The following TRPM3 variants were observed in gnomAD, a reference collection of about 807,000 sequenced individuals.
The protein encoded by TRPM3 is long transient receptor potential channel 3.
In TRPM3, 77 loss-of-function variants were observed where a neutral mutation model predicts 181.2. The ratio of observed to expected loss-of-function variants is 0.42; its 90% CI spans 0.35 to 0.51. TRPM3 has a LOEUF of 0.51. TRPM3 is among the 20% of genes least tolerant of loss of function. The probability of loss-of-function intolerance (pLI) is 0.01; values close to 1 mark genes in which losing one functional copy is unlikely to be tolerated. For synonymous variants in TRPM3, 745 were observed against 796.4 expected, an observed-to-expected ratio of 0.94 and a Z score of 1.09; for missense variants, 1,759 against 2,196.7, an observed-to-expected ratio of 0.80 and a Z score of 3.98.
At chr9:71,222,516 A>G (rs748291113) in intron 1 of TRPM3, among the ~76,000 whole-genome samples, 3 of 152,218 alleles carry the variant, frequency 2.0e-5, no homozygotes, top group Non-Finnish European at 4.4e-5. Flanking sequence ...AAGATGGCCA[A>G]ATAGAAGCCT....
At chr9:70,784,338 C>A in intron 6 of TRPM3, 59 bp from the exon 7 acceptor site, 1 of 1,483,358 alleles carries the variant, frequency 6.7e-7, no homozygotes. Flanking sequence ...AGCCAGCAAA[C>A]CAAAGAAACA....
chr9:70,658,039 T>C (rs1191111751), intron 9 of TRPM3, among the ~76,000 whole-genome samples: 5 of 152,178 alleles, frequency 3.3e-5, no homozygotes, highest in African/African-American at 1.2e-4. Context: ...AAGCATTAAC[T>C]GACTCCCTAA....
intron 1 of TRPM3, among the ~76,000 whole-genome samples, chr9:71,259,516 A>G (rs2082895769): frequency 6.6e-6 from 1 of 152,192 alleles, no homozygotes; most frequent in African/African-American, 2.4e-5. Flanking sequence ...CAACAGCCTA[A>G]AAGCATTCCT....
At chr9:70,555,231 T>G (rs904593088) in intron 22 of TRPM3, among the ~76,000 whole-genome samples, 11 of 152,238 alleles carry the variant, frequency 7.2e-5, no homozygotes, top group Admixed American at 5.2e-4. Context: ...CACTCTTTAG[T>G]GCTCACCTGG....
intron 1 of TRPM3, among the ~76,000 whole-genome samples, chr9:71,070,350 C>T (rs895930791): frequency 1.3e-5 from 2 of 152,220 alleles, no homozygotes; most frequent in African/African-American, 4.8e-5. Flanking sequence ...AGCTATACAG[C>T]TCTCTGCTGC....
At chr9:70,769,167 C>T (rs1309105924) in intron 7 of TRPM3, among the ~76,000 whole-genome samples, 1 of 152,152 alleles carries the variant, frequency 6.6e-6, no homozygotes. Context: ...AAGATAACAT[C>T]TCTACTTGCA....
intron 25 of TRPM3, among the ~76,000 whole-genome samples, chr9:70,546,335 G>C (rs2044878641): frequency 6.6e-6 from 1 of 152,182 alleles, no homozygotes; most frequent in Non-Finnish European, 1.5e-5. Context: ...TCTAGTGACA[G>C]AAACTCTAGG....
intron 1 of TRPM3, among the ~76,000 whole-genome samples, chr9:71,364,186 G>T (rs1412116478): frequency 2.0e-5 from 3 of 150,638 alleles, no homozygotes; most frequent in Admixed American, 6.6e-5. Context: ...ACAATAAAAA[G>T]AACTGGGCTC....
At chr9:71,025,566 A>G (rs1193473146) in intron 1 of TRPM3, among the ~76,000 whole-genome samples, 2 of 152,252 alleles carry the variant, frequency 1.3e-5, no homozygotes, top group Admixed American at 6.5e-5. Flanking sequence ...ATTAATAAAG[A>G]CAAGCATTGA....
At chr9:70,918,152 T>G (rs1461772964) in intron 1 of TRPM3, among the ~76,000 whole-genome samples, 1 of 152,166 alleles carries the variant, frequency 6.6e-6, no homozygotes, top group Non-Finnish European at 1.5e-5. Flanking sequence ...GCTAAGGAGA[T>G]AGACCCCAAT....
At chr9:71,140,425 A>G (rs985786470) in intron 1 of TRPM3, among the ~76,000 whole-genome samples, 1 of 152,148 alleles carries the variant, frequency 6.6e-6, no homozygotes, top group African/African-American at 2.4e-5. Context: ...TTGAAAGTAC[A>G]GCTATTTCCC....
intron 1 of TRPM3, among the ~76,000 whole-genome samples, chr9:70,945,562 A>T (rs932476085): frequency 6.6e-6 from 1 of 152,282 alleles, no homozygotes; most frequent in South Asian, 2.1e-4. Context: ...TAGTCTTACT[A>T]CTACAGGACA....
chr9:71,358,019 G>C (rs772754603), intron 1 of TRPM3, among the ~76,000 whole-genome samples: 1 of 152,084 alleles, frequency 6.6e-6, no homozygotes, highest in African/African-American at 2.4e-5. Flanking sequence ...GTGTAGAAAT[G>C]AGTGAACAAT....
intron 5 of TRPM3, among the ~76,000 whole-genome samples, chr9:70,839,985 AC>A (rs1311214851): frequency 6.6e-6 from 1 of 152,170 alleles, no homozygotes; most frequent in Non-Finnish European, 1.5e-5. Context: ...TAAGAAGCTT[AC>A]CAGATAATAT....
chr9:71,168,964 G>A (rs1305049670), intron 1 of TRPM3, among the ~76,000 whole-genome samples: 6 of 151,964 alleles, frequency 3.9e-5, no homozygotes, highest in Non-Finnish European at 8.8e-5. Context: ...AATTAACAAA[G>A]CCATGGATAT....
intron 1 of TRPM3, among the ~76,000 whole-genome samples, chr9:71,009,553 A>G (rs207470239): frequency 6.6e-6 from 1 of 152,166 alleles, no homozygotes; most frequent in Non-Finnish European, 1.5e-5. Flanking sequence ...TACAATAAAA[A>G]CTATAAAACA....
intron 1 of TRPM3, among the ~76,000 whole-genome samples, chr9:70,889,489 C>T (rs1239362562): frequency 1.3e-5 from 2 of 152,160 alleles, no homozygotes; most frequent in Non-Finnish European, 2.9e-5. Context: ...CCTCCTCCAA[C>T]CCCCTGACCA....
intron 1 of TRPM3, among the ~76,000 whole-genome samples, chr9:71,319,187 C>G (rs2088951193): frequency 1.3e-5 from 2 of 152,002 alleles, no homozygotes; most frequent in Admixed American, 1.3e-4. Flanking sequence ...GTGTATTAGT[C>G]AGGGTTCTCC....
intron 7 of TRPM3, among the ~76,000 whole-genome samples, chr9:70,765,164 C>T (rs568498286): frequency 6.6e-6 from 1 of 152,330 alleles, no homozygotes; most frequent in South Asian, 2.1e-4. Context: ...AGCCTATTGA[C>T]TTCAGCCTTG....
Sources: gnomAD v4.1 joint callset for allele counts (sites outside exome capture counted in the v4.1 genomes callset) on GRCh38, gnomAD v4.1.1 for gene constraint, MANE v1.5 for transcripts, NCBI Gene and HGNC (gene_info 2026-07-23, HGNC 2026-07-21) for gene names.